Variants in TENM2 observed in about 807,000 individuals in gnomAD.
TENM2 encodes the protein teneurin-2.
Under a neutral mutation model 245.2 loss-of-function variants are expected in TENM2, and 52 were observed. The observed-to-expected ratio is 0.21, with a 90% CI of 0.17 to 0.27. The LOEUF (loss-of-function observed/expected upper bound fraction) is 0.27, where lower values mean the gene tolerates loss of function less well. Among genes scored for constraint, TENM2 ranks in the 10% least tolerant of loss-of-function variants. TENM2 has a pLI of 1.00. For missense variants in TENM2, 3,046 were observed against 3,666.8 expected, an observed-to-expected ratio of 0.83 and a Z score of 4.37; for synonymous variants, 1,363 against 1,438.9, an observed-to-expected ratio of 0.95 and a Z score of 1.19.
At chr5:167,693,971 T>C (rs1367614567) in intron 2 of TENM2, among the ~76,000 whole-genome samples, 2 of 152,224 alleles carry the variant, frequency 1.3e-5, no homozygotes, top group Non-Finnish European at 1.5e-5. Context: ...ATTTAAAATA[T>C]ATTTTGGATG....
At chr5:167,353,032 C>A (rs536459118) in intron 1 of TENM2, among the ~76,000 whole-genome samples, 1 of 152,102 alleles carries the variant, frequency 6.6e-6, no homozygotes, top group Non-Finnish European at 1.5e-5. Context: ...ATAACGACTC[C>A]TCGGCTTTTC....
intron 1 of TENM2, among the ~76,000 whole-genome samples, chr5:167,358,851 A>ACC (rs1347176253): frequency 7.8e-6 from 1 of 129,020 alleles, no homozygotes; most frequent in Non-Finnish European, 1.6e-5. Context: ...ACACACACAC[A>ACC]CCCTGCTGTT....
At chr5:168,256,427 CTTTT>C (rs564590839) in intron 27 of TENM2, among the ~76,000 whole-genome samples, 8 of 133,790 alleles carry the variant, frequency 6.0e-5, no homozygotes, top group African/African-American at 1.6e-4. Flanking sequence ...AACTTGTATT[CTTTT>C]TTTTTTTTTT....
chr5:167,429,442 G>C (rs1038140289), intron 2 of TENM2, among the ~76,000 whole-genome samples: 1 of 152,112 alleles, frequency 6.6e-6, no homozygotes, highest in Admixed American at 6.5e-5. Context: ...AAACAAGCCA[G>C]TCCCTGTGTT....
intron 2 of TENM2, among the ~76,000 whole-genome samples, chr5:167,544,855 A>G (rs944319492): frequency 2.0e-5 from 3 of 152,232 alleles, no homozygotes; most frequent in Non-Finnish European, 1.5e-5. Flanking sequence ...CTATGAAGTA[A>G]TATGTGTGTA....
At chr5:167,796,122 T>C (rs2150921743) in intron 2 of TENM2, among the ~76,000 whole-genome samples, 1 of 152,302 alleles carries the variant, frequency 6.6e-6, no homozygotes, top group East Asian at 1.9e-4. Flanking sequence ...GGGGTTGGTT[T>C]TGTCTCCACT....
chr5:167,419,573 T>C (rs1166679919), intron 2 of TENM2, among the ~76,000 whole-genome samples: 1 of 152,208 alleles, frequency 6.6e-6, no homozygotes, highest in Non-Finnish European at 1.5e-5. Flanking sequence ...AAAGCCCTTC[T>C]TGGTCAGAAT....
chr5:168,262,518 G>A (rs1265328981), exon 29 of TENM2: 8 of 1,556,080 alleles, frequency 5.1e-6, no homozygotes, highest in Non-Finnish European at 6.1e-6. Context: ...CTGCTGCTCA[G>A]CATCCGCTAT....
chr5:167,094,463 A>T, the TENM2 span, among the ~76,000 whole-genome samples: 1 of 152,152 alleles, frequency 6.6e-6, no homozygotes, highest in Admixed American at 6.5e-5. Context: ...AGATTCACCC[A>T]TGTTGTTGTG....
chr5:167,352,472 TAG>T (rs1451021628), intron 1 of TENM2, among the ~76,000 whole-genome samples: 2 of 152,350 alleles, frequency 1.3e-5, no homozygotes, highest in East Asian at 3.9e-4. Context: ...CTATTTTGCA[TAG>T]AAAGTTTTGC....
At chr5:167,491,013 T>G (rs1768397345) in intron 2 of TENM2, among the ~76,000 whole-genome samples, 1 of 152,146 alleles carries the variant, frequency 6.6e-6, no homozygotes, top group Non-Finnish European at 1.5e-5. Flanking sequence ...GGTCATGTAT[T>G]TGTCTAGGAA....
chr5:167,430,613 G>A (rs550891314), intron 2 of TENM2, among the ~76,000 whole-genome samples: 7 of 152,194 alleles, frequency 4.6e-5, no homozygotes, highest in Non-Finnish European at 7.3e-5. Context: ...AGAATGGGAG[G>A]TGGTGCAGCC....
At chr5:168,154,146 TTAAAAAA>T (rs1214270662) in intron 12 of TENM2, among the ~76,000 whole-genome samples, 52 of 75,700 alleles carry the variant, frequency 6.9e-4, no homozygotes, top group Non-Finnish European at 7.5e-4. Context: ...ATCACCTACT[TTAAAAAA>T]AAAAAAAAAA....
chr5:167,920,347 A>AG (rs945809570), intron 3 of TENM2, among the ~76,000 whole-genome samples: 1 of 148,518 alleles, frequency 6.7e-6, no homozygotes, highest in African/African-American at 2.6e-5. Flanking sequence ...AAAAGAAAAA[A>AG]AAAGAAAAAA....
At chr5:167,755,012 G>A (rs1364319791) in intron 2 of TENM2, 2 of 1,583,238 alleles carry the variant, frequency 1.3e-6, no homozygotes, top group Non-Finnish European at 1.7e-6. Context: ...GTAGTTAGAG[G>A]GAAACACAAA....
intron 3 of TENM2, among the ~76,000 whole-genome samples, chr5:167,886,176 T>A (rs1774273248): frequency 6.6e-6 from 1 of 152,196 alleles, no homozygotes; most frequent in Non-Finnish European, 1.5e-5. Flanking sequence ...GTGGGAAAAC[T>A]GTGGCACAGT....
At chr5:168,100,716 A>C (rs1293868416) in intron 9 of TENM2, among the ~76,000 whole-genome samples, 1 of 152,052 alleles carries the variant, frequency 6.6e-6, no homozygotes, top group Non-Finnish European at 1.5e-5. Flanking sequence ...GGGGAACATC[A>C]CACAGTGAGG....
chr5:167,870,573 G>A (rs573784549), intron 2 of TENM2, among the ~76,000 whole-genome samples: 1,484 of 121,020 alleles, frequency 0.012, 30 homozygotes, highest in African/African-American at 0.042. Context: ...ATATATATGT[G>A]TGTGTATATA....
intron 13 of TENM2, among the ~76,000 whole-genome samples, chr5:168,176,469 A>G (rs567949666): frequency 2.6e-5 from 4 of 152,220 alleles, no homozygotes; most frequent in African/African-American, 4.8e-5. Flanking sequence ...AGATGTTTCC[A>G]TGACTCATTT....
Sources: allele counts gnomAD v4.1 joint callset (sites outside exome capture counted in the v4.1 genomes callset), GRCh38; gene constraint gnomAD v4.1.1; transcripts MANE v1.5; gene names NCBI Gene and HGNC (gene_info 2026-07-23, HGNC 2026-07-21).